NTN4: variants seen among roughly 807,000 people sequenced by gnomAD.
The protein encoded by NTN4 is netrin-4.
A neutral mutation model predicts 73.6 loss-of-function variants in NTN4; 32 were observed. That is an observed-to-expected ratio of 0.44 (90% CI 0.33 to 0.58). The LOEUF (loss-of-function observed/expected upper bound fraction) is 0.58. NTN4 is among the 20% of genes least tolerant of loss of function. The pLI is 0.04. For synonymous variants in NTN4, 258 were observed against 287.5 expected (o/e 0.90, Z 1.04); for missense variants, 654 against 798.3 (o/e 0.82, Z 2.18).
At chr12:95,723,363 T>C (rs533833662) in intron 3 of NTN4, among the ~76,000 whole-genome samples, 1 of 152,192 alleles carries the variant, frequency 6.6e-6, no homozygotes, top group Admixed American at 6.5e-5. Flanking sequence ...TTTATCATCA[T>C]TCAGCTATTT....
chr12:95,737,336 A>C (rs1565901828), intron 3 of NTN4, among the ~76,000 whole-genome samples: 1 of 152,182 alleles, frequency 6.6e-6, no homozygotes, highest in Non-Finnish European at 1.5e-5. Flanking sequence ...AGAAGTAAAA[A>C]TTCAGAGGAA....
At chr12:95,765,157 T>C (rs74400963) in intron 2 of NTN4, among the ~76,000 whole-genome samples, 7,840 of 152,316 alleles carry the variant, frequency 0.051, 259 homozygotes, top group Non-Finnish European at 0.081. Context: ...TGTCTAAAAA[T>C]ATCTTTAAAA....
intron 2 of NTN4, among the ~76,000 whole-genome samples, chr12:95,775,905 A>G (rs7973557): frequency 0.23 from 34,842 of 152,044 alleles, 4,464 homozygotes; most frequent in Non-Finnish European, 0.29. Flanking sequence ...ACTGGGAGGC[A>G]CCCCCCAGTA....
Position 95,775,531 on chromosome 12 carries a change from T to G in NTN4, c.585+11408A>C, listed in dbSNP as rs148120119. Among the ~76,000 whole-genome samples the G allele has an allele frequency of 2.1e-3, 326 of 152,322 alleles. 2 individuals are homozygous for G. Among genetic ancestry groups the G allele is most frequent in the Non-Finnish European group, 2.0e-3 (139 of 68,016 alleles). On this transcript the variant is annotated intron_variant, in intron 2 of 9. Coordinates refer to ENST00000343702, the MANE Select transcript of NTN4 (RefSeq NM_021229.4). The stretch of plus-strand genomic sequence containing the variant: ...CTTAGCAAACGGCACACCAGGAGAT[T>G]ATATCCCGTGCATGGCTCAGAGGGT...
At chr12:95,725,006 A>AGGAT (rs1454896864) in intron 3 of NTN4, among the ~76,000 whole-genome samples, 16 of 135,838 alleles carry the variant, frequency 1.2e-4, no homozygotes, top group Admixed American at 1.5e-4. Flanking sequence ...TGTCATCAGG[A>AGGAT]TTTTTTTTTT....
chr12:95,688,113 C>T (rs893493791), intron 5 of NTN4, among the ~76,000 whole-genome samples: 4 of 151,952 alleles, frequency 2.6e-5, no homozygotes, highest in African/African-American at 7.3e-5. Context: ...AATTATGGCA[C>T]GGTTACAATT....
In NTN4 at chr12:95,710,307, A is replaced by C. The variant is rs1049054536; in HGVS notation, c.1180+134T>G. The C allele has an allele frequency of 1.7e-5, 11 of 643,782 alleles. No homozygotes were observed. The East Asian group carries it at 3.1e-4, about 18-fold the overall frequency. 39.9% of individuals were successfully genotyped at this position (643,782 alleles called of 1,614,324 possible). ...AATTCTTGCCTCTTATCAATGAAGA[A>C]ATTAACCGATATCTGTGAGTGTGTT... On this transcript the variant is annotated intron_variant, in intron 5 of 9. Transcript: ENST00000343702.
intron 7 of NTN4, among the ~76,000 whole-genome samples, chr12:95,674,205 C>T (rs2078256121): frequency 6.6e-6 from 1 of 152,108 alleles, no homozygotes. Flanking sequence ...AGTGAATAGC[C>T]TATGGCCTTT....
At chr12:95,690,488 T>C (rs1420954040) in intron 5 of NTN4, among the ~76,000 whole-genome samples, 1 of 152,248 alleles carries the variant, frequency 6.6e-6, no homozygotes, top group Admixed American at 6.5e-5. Context: ...ATAAGCACTG[T>C]CTCTACATTA....
rs569932181 is a variant in NTN4 at position 95,666,182 on chromosome 12, C to G, written c.1580-202G>C. On this transcript the variant is annotated intron_variant, in intron 8 of 9. Transcript: ENST00000343702. Reference sequence around the variant, plus strand: ...GGAAAGTAACTCAGGAATGGAAAAGCAAACCTCATTATATTCTCATTTGTA... The same window carrying G: ...GGAAAGTAACTCAGGAATGGAAAAGGAAACCTCATTATATTCTCATTTGTA... Among the ~76,000 whole-genome samples, 3 of 152,030 alleles carry G rather than the reference C, an allele frequency of 2.0e-5. No individual in the cohort carries two copies. In the South Asian group the frequency reaches 6.2e-4, roughly 32 times the overall value.
chr12:95,769,265 ACAGGGGG>A (rs1372121026), intron 2 of NTN4, among the ~76,000 whole-genome samples: 1 of 152,150 alleles, frequency 6.6e-6, no homozygotes, highest in African/African-American at 2.4e-5. Flanking sequence ...CAACAGAAGG[ACAGGGGG>A]CAGTGGAATT....
chr12:95,779,336 G>T (rs2079116235), intron 2 of NTN4, among the ~76,000 whole-genome samples: 3 of 152,210 alleles, frequency 2.0e-5, no homozygotes, highest in Admixed American at 6.5e-5. Flanking sequence ...AAGAAATAAA[G>T]CGTATTCAAT....
chr12:95,677,364 G>C (rs940528608), intron 7 of NTN4, among the ~76,000 whole-genome samples: 18 of 140,852 alleles, frequency 1.3e-4, no homozygotes, highest in Non-Finnish European at 2.6e-4. Context: ...TGTCTCAATG[G>C]TTTTATAGAT....
At chr12:95,765,251 T>C (rs1054236176) in intron 2 of NTN4, among the ~76,000 whole-genome samples, 1 of 152,218 alleles carries the variant, frequency 6.6e-6, no homozygotes, top group Non-Finnish European at 1.5e-5. Context: ...TCAAACTAAA[T>C]ATGGAATGAA....
At chr12:95,786,057 C>A (rs935630597) in intron 2 of NTN4, among the ~76,000 whole-genome samples, 1 of 152,084 alleles carries the variant, frequency 6.6e-6, no homozygotes. Flanking sequence ...GGAAGAGGAG[C>A]CAAAAATCAC....
intron 7 of NTN4, among the ~76,000 whole-genome samples, chr12:95,682,045 A>G (rs1251783156): frequency 1.5e-5 from 2 of 130,568 alleles, no homozygotes. Context: ...CAAACCTAAT[A>G]TATTCAGTAG....
intron 5 of NTN4, among the ~76,000 whole-genome samples, chr12:95,700,080 A>ATTTTTTGTTTTTTTT (rs2078471905): frequency 2.4e-5 from 1 of 41,788 alleles, no homozygotes; most frequent in Non-Finnish European, 4.3e-5. Context: ...TAAAGTGAGG[A>ATTTTTTGTTTTTTTT]TTTTTTTTTT....
At chr12:95,721,926 G>A (rs568771351) in intron 3 of NTN4, among the ~76,000 whole-genome samples, 12 of 152,182 alleles carry the variant, frequency 7.9e-5, no homozygotes, top group Middle Eastern at 3.4e-3. Context: ...GCATGCACAC[G>A]TGCGCGCACA....
At chr12:95,705,347 A>G (rs899571238) in intron 5 of NTN4, among the ~76,000 whole-genome samples, 5 of 152,102 alleles carry the variant, frequency 3.3e-5, no homozygotes, top group Non-Finnish European at 1.5e-5. Flanking sequence ...ATTATCAACT[A>G]CTTGTTGGTA....
Sources: gnomAD v4.1 joint callset for allele counts (sites outside exome capture counted in the v4.1 genomes callset) on GRCh38, gnomAD v4.1.1 for gene constraint, MANE v1.5 for transcripts, NCBI Gene and HGNC (gene_info 2026-07-23, HGNC 2026-07-21) for gene names.